Variants in MAP2K5 observed in about 807,000 individuals in gnomAD.
MAP2K5 encodes the protein mitogen-activated protein kinase kinase 5, also known as dual specificity mitogen-activated protein kinase kinase 5.
In MAP2K5, 49 loss-of-function variants were observed where a neutral mutation model predicts 83.1. The ratio of observed to expected loss-of-function variants is 0.59; its 90% CI spans 0.47 to 0.75. The LOEUF is 0.75. Ranked by LOEUF, MAP2K5 falls within the 30% of genes least tolerant of loss-of-function variation. The pLI is 0.00. For missense variants in MAP2K5, 457 were observed against 557.5 expected, an observed-to-expected ratio of 0.82 and a Z score of 1.82; for synonymous variants, 202 against 191.8, an observed-to-expected ratio of 1.05 and a Z score of -0.44.
rs544511030 is a variant in MAP2K5 at position 67,742,116 on chromosome 15, G to A, written c.1075-6115G>A. ...TTACCATGTTAGCCAGGATGGTCAT[G>A]ATCTGCCCTCGTGATCCGCCCGCCT... On this transcript the variant is annotated intron_variant, in intron 17 of 21. Coordinates refer to ENST00000178640, the MANE Select transcript of MAP2K5 (RefSeq NM_145160.3). 3.9e-5 allele frequency among the ~76,000 whole-genome samples: 6 copies of A among 152,220 alleles called. 1 individual carries two copies. Among genetic ancestry groups the A allele is most frequent in the Admixed American group, 2.0e-4 (3 of 15,294 alleles).
At chr15:67,589,674 G>T (rs954773084) in intron 6 of MAP2K5, among the ~76,000 whole-genome samples, 2 of 152,150 alleles carry the variant, frequency 1.3e-5, no homozygotes, top group Non-Finnish European at 2.9e-5. Flanking sequence ...CCTTGCCTGG[G>T]CTTTGTTTGG....
chr15:67,772,138 A>G (rs985305766), intron 20 of MAP2K5, among the ~76,000 whole-genome samples: 1 of 152,250 alleles, frequency 6.6e-6, no homozygotes, highest in African/African-American at 2.4e-5. Flanking sequence ...CTTGTTGCCA[A>G]AACAAATGCA....
intron 15 of MAP2K5, among the ~76,000 whole-genome samples, chr15:67,697,296 C>G (rs2088290024): frequency 6.6e-6 from 1 of 152,162 alleles, no homozygotes; most frequent in Non-Finnish European, 1.5e-5. Context: ...GTGCCAATCA[C>G]TCTTCTTACA....
Position 67,723,754 on chromosome 15 carries a change from A to T in MAP2K5, c.1045-4162A>T, listed in dbSNP as rs533613175. ...GTCTACATTTTTCAGTACACTTTTT[A>T]AAAAAAAAAACTAGACTTAAGCTGC... is the stretch of plus-strand genomic sequence containing the variant. On this transcript the variant is annotated intron_variant, in intron 16 of 21. Transcript: ENST00000178640. Among the ~76,000 whole-genome samples, 423 of 141,740 alleles carry T rather than the reference A, an allele frequency of 3.0e-3. 1 individual carries two copies. Among genetic ancestry groups the T allele is most frequent in the African/African-American group, 9.9e-3 (349 of 35,266 alleles). The allele number at this position is 141,740 out of a possible 152,430, so 93.0% of individuals were successfully genotyped here. A position where few individuals can be genotyped will look rare whatever the true frequency, so the allele number is the denominator to read the frequency against.
rs561864967 is a variant in MAP2K5 at position 67,722,750 on chromosome 15, G to A, written c.1045-5166G>A. Among the ~76,000 whole-genome samples the A allele has an allele frequency of 6.6e-6, 1 of 152,194 alleles. No homozygotes were observed. The highest frequency in any genetic ancestry group is 1.9e-4 in the East Asian group (1 of 5,182). Reference sequence around the variant, plus strand: ...TCCCTGTGTCTGAGTGTTCCAAAGTGGCTGCTGCATTTCTATAAAATGAAG... The same window carrying A: ...TCCCTGTGTCTGAGTGTTCCAAAGTAGCTGCTGCATTTCTATAAAATGAAG... On this transcript the variant is annotated intron_variant, in intron 16 of 21. Transcript: ENST00000178640. The surrounding 1 kb of genome is among the most constrained non-coding windows in gnomAD (Gnocchi z 4.2).
At chr15:67,771,481 CAGAG>C (rs2090141142) in intron 20 of MAP2K5, among the ~76,000 whole-genome samples, 1 of 152,126 alleles carries the variant, frequency 6.6e-6, no homozygotes, top group Admixed American at 6.5e-5. Flanking sequence ...TTTATGGAGA[CAGAG>C]GGAGGGATAA....
At chr15:67,707,222 GT>G (rs1238157523) in intron 16 of MAP2K5, among the ~76,000 whole-genome samples, 2 of 152,116 alleles carry the variant, frequency 1.3e-5, no homozygotes, top group African/African-American at 2.4e-5. Context: ...GCTGGTTCTT[GT>G]TTTTTCTTAA....
rs1350960050 is a variant in MAP2K5 at position 67,757,264 on chromosome 15, A to G, written c.1134+8663A>G. ...CTAACAAAATGTGAGGTGACATTTC[A>G]TTGTGGTTTTTATTTGCATAAAAAT... On this transcript the variant is annotated intron_variant, in intron 19 of 21. Coordinates refer to ENST00000178640, the MANE Select transcript of MAP2K5 (RefSeq NM_145160.3). The surrounding 1 kb of genome is among the most constrained non-coding windows in gnomAD (Gnocchi z 4.9). Among the ~76,000 whole-genome samples the G allele has an allele frequency of 6.6e-6, 1 of 152,128 alleles. No homozygotes were observed. The highest frequency in any genetic ancestry group is 2.4e-5 in the African/African-American group (1 of 41,434).
chr15:67,701,525 T>C (rs2088416220), intron 15 of MAP2K5, among the ~76,000 whole-genome samples: 1 of 152,180 alleles, frequency 6.6e-6, no homozygotes, highest in African/African-American at 2.4e-5. Flanking sequence ...AATTCTGCTG[T>C]AGGAGTAGAG....
At chr15:67,688,939 T>A (rs1005528818) in intron 13 of MAP2K5, among the ~76,000 whole-genome samples, 1 of 152,176 alleles carries the variant, frequency 6.6e-6, no homozygotes, top group Non-Finnish European at 1.5e-5. Context: ...ATTAGCAAAT[T>A]TAATGTATCA....
In MAP2K5 at chr15:67,555,099, T is replaced by C. The variant is rs1250458539; in HGVS notation, c.184+5017T>C. Among the ~76,000 whole-genome samples, 1 of 152,254 alleles carries C rather than the reference T, an allele frequency of 6.6e-6. No homozygotes were observed. Among genetic ancestry groups the C allele is most frequent in the African/African-American group, 2.4e-5 (1 of 41,470 alleles). On this transcript the variant is annotated intron_variant, in intron 2 of 21. Transcript: ENST00000178640. This position sits in a 1 kb window ranked among gnomAD's most constrained non-coding sequence, Gnocchi z 5.2. The stretch of plus-strand genomic sequence containing the variant: ...CTGCAGAACTCACCTTTTGGGCTGA[T>C]GGTCCTAAACCTTGTTTTCTTATTA...
intron 9 of MAP2K5, among the ~76,000 whole-genome samples, chr15:67,633,048 C>T (rs1360349537): frequency 6.6e-6 from 1 of 152,220 alleles, no homozygotes; most frequent in African/African-American, 2.4e-5. Flanking sequence ...ACAGCCCCCA[C>T]ATTTTACAGA....
At chr15:67,800,291 C>A (rs1039747717) in intron 21 of MAP2K5, among the ~76,000 whole-genome samples, 1 of 151,996 alleles carries the variant, frequency 6.6e-6, no homozygotes, top group African/African-American at 2.4e-5. Flanking sequence ...TGCAAGACTT[C>A]AATATTAATG....
Position 67,661,420 on chromosome 15 carries a change from A to G in MAP2K5, c.798+2806A>G, listed in dbSNP as rs545828672. 6.6e-5 allele frequency among the ~76,000 whole-genome samples: 10 copies of G among 152,242 alleles called. No homozygotes were observed. In the South Asian group the frequency reaches 1.9e-3, roughly 28 times the overall value. On this transcript the variant is annotated intron_variant, in intron 12 of 21. Transcript: ENST00000178640. ...ACATGTCAAGGAGCGAGTGATTGAC[A>G]ACAGATATAAGTACTTTTAGTGTCA...
chr15:67,725,528 G>A (rs1596863004), intron 16 of MAP2K5, among the ~76,000 whole-genome samples: 2 of 152,240 alleles, frequency 1.3e-5, no homozygotes, highest in African/African-American at 2.4e-5. Context: ...TTTAAGCCAT[G>A]TGAACAGAAT....
chr15:67,640,850 G>T lies in MAP2K5; in HGVS notation c.586-5381G>T, dbSNP rs968378157. Among the ~76,000 whole-genome samples the T allele has an allele frequency of 6.6e-6, 1 of 152,134 alleles. No homozygotes were observed. The highest frequency in any genetic ancestry group is 2.4e-5 in the African/African-American group (1 of 41,438). On this transcript the variant is annotated intron_variant, in intron 9 of 21. Coordinates refer to ENST00000178640, the MANE Select transcript of MAP2K5 (RefSeq NM_145160.3). The surrounding 1 kb of genome is among the most constrained non-coding windows in gnomAD (Gnocchi z 4.6). ...AATTTTGGAAAGAATAATGTACCAT[G>T]AATTTCTATTTTATACTATTGAATT...
intron 8 of MAP2K5, among the ~76,000 whole-genome samples, chr15:67,616,893 T>C (rs936736634): frequency 6.6e-6 from 1 of 152,220 alleles, no homozygotes; most frequent in African/African-American, 2.4e-5. Context: ...CTATAAATAA[T>C]TCACAGAGTA....
At chr15:67,575,919 T>TCTTTCTTTCTTTCTTTCTTTCTTTC (rs56283748) in intron 3 of MAP2K5, among the ~76,000 whole-genome samples, 2 of 74,012 alleles carry the variant, frequency 2.7e-5, no homozygotes, top group Admixed American at 1.5e-4. Flanking sequence ...TTTCTTTCTT[T>TCTTTCTTTCTTTCTTTCTTTCTTTC]TTTTTTTTTT....
chr15:67,627,774 A>G, intron 8 of MAP2K5: 1 of 329,322 alleles, frequency 3.0e-6, no homozygotes, highest in Non-Finnish European at 5.6e-6. Context: ...TAAAGCTGTT[A>G]AAAAATTTTG....
Sources: gnomAD v4.1 joint callset for allele counts (sites outside exome capture counted in the v4.1 genomes callset) on GRCh38, gnomAD v4.1.1 for gene constraint, Gnocchi (gnomAD v3.1) non-coding constraint, MANE v1.5 for transcripts, NCBI Gene and HGNC (gene_info 2026-07-23, HGNC 2026-07-21) for gene names.